Variants in CSMD1 observed in about 807,000 individuals in gnomAD.
CSMD1 encodes the protein CUB and Sushi multiple domains 1, also known as CUB and sushi domain-containing protein 1.
CSMD1 carries 213 observed loss-of-function variants against 417.5 expected under a neutral mutation model. That is an observed-to-expected ratio of 0.51 (90% CI 0.46 to 0.57). CSMD1 has a LOEUF of 0.57. Ranked by LOEUF, CSMD1 falls within the 20% of genes least tolerant of loss-of-function variation. CSMD1 has a pLI of 0.00. For missense variants in CSMD1, 6,923 were observed against 4,529.7 expected (o/e 1.53, Z -15.17); for synonymous variants, 2,862 against 1,736.8 (o/e 1.65, Z -16.11).
At chr8:3,212,048 G>A (rs1797643685) in intron 30 of CSMD1, among the ~76,000 whole-genome samples, 2 of 152,094 alleles carry the variant, frequency 1.3e-5, no homozygotes, top group Admixed American at 1.3e-4. Flanking sequence ...TCCTGTTTTG[G>A]GGGCTGTGCA....
chr8:4,831,114 G>GA (rs1800124555), intron 1 of CSMD1, among the ~76,000 whole-genome samples: 1 of 152,004 alleles, frequency 6.6e-6, no homozygotes, highest in Non-Finnish European at 1.5e-5. Context: ...TATGCCTTAG[G>GA]AAAAAAGAAA....
chr8:4,956,663 AAAAC>A (rs1349306021), intron 1 of CSMD1, among the ~76,000 whole-genome samples: 11 of 152,220 alleles, frequency 7.2e-5, no homozygotes, highest in South Asian at 4.1e-4. Context: ...AAACTTTCAG[AAAAC>A]AAACAAGTTG....
chr8:4,147,722 C>A (rs955233560), intron 3 of CSMD1, among the ~76,000 whole-genome samples: 5 of 152,148 alleles, frequency 3.3e-5, no homozygotes, highest in African/African-American at 7.2e-5. Flanking sequence ...GATGCAGACA[C>A]TGAAGCTCAC....
rs1262949609 is a variant in CSMD1, at chr8:4,411,721, C to G, written c.415+8232G>C. On this transcript the variant is annotated intron_variant, in intron 3 of 69. Transcript: ENST00000635120. ...TCACGAAAGCATATATATATGTGTGCTATGTATTTGTACATATAGACGTTC... is the reference window on the plus strand; with the variant it reads ...TCACGAAAGCATATATATATGTGTGGTATGTATTTGTACATATAGACGTTC... 3.3e-5 allele frequency among the ~76,000 whole-genome samples: 5 copies of G among 152,230 alleles called. No individual in the cohort carries two copies. In the East Asian group the frequency reaches 7.7e-4, roughly 24 times the overall value.
At chr8:3,931,440 A>G (rs994382279) in intron 5 of CSMD1, among the ~76,000 whole-genome samples, 2 of 150,454 alleles carry the variant, frequency 1.3e-5, no homozygotes, top group African/African-American at 2.5e-5. Context: ...CTTTCAATCC[A>G]TGGCTTTTAA....
intron 5 of CSMD1, among the ~76,000 whole-genome samples, chr8:3,950,250 T>G (rs1434659972): frequency 1.3e-5 from 2 of 152,146 alleles, no homozygotes; most frequent in African/African-American, 4.8e-5. Context: ...TGATGATGAA[T>G]TAGTAGTTTG....
chr8:3,864,294 T>G (rs1804928338), intron 5 of CSMD1, among the ~76,000 whole-genome samples: 1 of 152,160 alleles, frequency 6.6e-6, no homozygotes, highest in Non-Finnish European at 1.5e-5. Flanking sequence ...GGCCAATATT[T>G]GTTGAGCTCT....
At chr8:3,080,540 A>G (rs1814012872) in intron 49 of CSMD1, among the ~76,000 whole-genome samples, 1 of 152,180 alleles carries the variant, frequency 6.6e-6, no homozygotes, top group Admixed American at 6.5e-5. Flanking sequence ...CGAAACTTTT[A>G]TTTGCTGAAT....
chr8:4,092,275 C>A (rs946549114), intron 3 of CSMD1, among the ~76,000 whole-genome samples: 10 of 152,192 alleles, frequency 6.6e-5, no homozygotes, highest in African/African-American at 2.4e-4. Context: ...TTCCAACCAA[C>A]TGAGTATGGG....
chr8:3,711,983 A>G (rs1801531930), intron 6 of CSMD1, among the ~76,000 whole-genome samples: 1 of 152,188 alleles, frequency 6.6e-6, no homozygotes, highest in Non-Finnish European at 1.5e-5. Context: ...AATAGACAGG[A>G]CCTATCTGAA....
At chr8:4,697,391 T>C (rs1235699660) in intron 1 of CSMD1, among the ~76,000 whole-genome samples, 1 of 152,122 alleles carries the variant, frequency 6.6e-6, no homozygotes, top group African/African-American at 2.4e-5. Context: ...AAGTGGCTAC[T>C]TTACATGCTA....
intron 7 of CSMD1, among the ~76,000 whole-genome samples, chr8:3,623,923 G>A (rs563581906): frequency 6.6e-6 from 1 of 151,996 alleles, no homozygotes; most frequent in Admixed American, 6.6e-5. Context: ...TTTGCAGTAA[G>A]CTGAGATTGC....
At chr8:4,581,538 G>C (rs1488562412) in intron 2 of CSMD1, among the ~76,000 whole-genome samples, 6 of 152,124 alleles carry the variant, frequency 3.9e-5, no homozygotes, top group African/African-American at 1.4e-4. Flanking sequence ...ATACATAACA[G>C]ATTCATTTTA....
intron 1 of CSMD1, among the ~76,000 whole-genome samples, chr8:4,943,310 A>C (rs1165247058): frequency 6.6e-6 from 1 of 151,990 alleles, no homozygotes; most frequent in African/African-American, 2.4e-5. Context: ...CCTGGCTGAC[A>C]CTATGAAAAC....
At chr8:3,619,484 C>T (rs1362387953) in intron 7 of CSMD1, among the ~76,000 whole-genome samples, 2 of 152,118 alleles carry the variant, frequency 1.3e-5, no homozygotes, top group South Asian at 2.1e-4. Flanking sequence ...GAAATATATG[C>T]ATCAGACTTG....
chr8:3,417,659 AGAGT>A (rs1163983986), intron 12 of CSMD1, among the ~76,000 whole-genome samples: 1 of 133,772 alleles, frequency 7.5e-6, no homozygotes, highest in African/African-American at 2.7e-5. Context: ...CGCTGAAGAG[AGAGT>A]GAGTAAAAGC....
intron 3 of CSMD1, among the ~76,000 whole-genome samples, chr8:4,132,988 C>T (rs931016655): frequency 5.3e-5 from 8 of 152,140 alleles, no homozygotes; most frequent in African/African-American, 1.9e-4. Context: ...GGCTGCAGTG[C>T]AGTGGCGCGA....
intron 30 of CSMD1, among the ~76,000 whole-genome samples, chr8:3,206,113 C>T (rs1162006481): frequency 1.3e-5 from 2 of 152,052 alleles, no homozygotes; most frequent in African/African-American, 2.4e-5. Context: ...GTAAAAGCAA[C>T]ATGCATAATT....
chr8:4,731,914 C>A (rs1291328279), intron 1 of CSMD1, among the ~76,000 whole-genome samples: 1 of 151,854 alleles, frequency 6.6e-6, no homozygotes, highest in African/African-American at 2.4e-5. Flanking sequence ...CTTATAGGGC[C>A]AAAGATAAAA....
Sources: allele counts gnomAD v4.1 joint callset (sites outside exome capture counted in the v4.1 genomes callset), GRCh38; gene constraint gnomAD v4.1.1; transcripts MANE v1.5; gene names NCBI Gene and HGNC (gene_info 2026-07-23, HGNC 2026-07-21).